Variants in KLHL5 observed in about 807,000 individuals in gnomAD.
KLHL5 encodes kelch like family member 5.
In KLHL5, 48 loss-of-function variants were observed where a neutral mutation model predicts 77.7. That is an observed-to-expected ratio of 0.62 (90% CI 0.49 to 0.79). The LOEUF is 0.79. KLHL5 is among the 30% of genes least tolerant of loss of function. KLHL5 has a pLI of 0.00. For missense variants in KLHL5, 723 were observed against 859.7 expected (o/e 0.84, Z 1.99); for synonymous variants, 260 against 297.0 (o/e 0.88, Z 1.28).
upstream of KLHL5, among the ~76,000 whole-genome samples, chr4:39,058,095 T>C (rs1717123886): frequency 6.6e-6 from 1 of 152,194 alleles, no homozygotes; most frequent in South Asian, 2.1e-4. Flanking sequence ...TTGACACATA[T>C]TATCTATTTT....
chr4:39,128,917 G>A (rs1314784475), downstream of KLHL5, among the ~76,000 whole-genome samples: 1 of 152,068 alleles, frequency 6.6e-6, no homozygotes, highest in African/African-American at 2.4e-5. Context: ...AGTGAGCTAC[G>A]ATCAGCCTGG....
At chr4:39,104,412 A>G (rs914458413) in intron 7 of KLHL5, among the ~76,000 whole-genome samples, 1 of 152,222 alleles carries the variant, frequency 6.6e-6, no homozygotes, top group African/African-American at 2.4e-5. Flanking sequence ...TGGGTTGACC[A>G]TAAAATCCAG....
At chr4:39,079,015 T>C (rs1719360006) in intron 2 of KLHL5, among the ~76,000 whole-genome samples, 1 of 152,356 alleles carries the variant, frequency 6.6e-6, no homozygotes, top group Non-Finnish European at 1.5e-5. Flanking sequence ...GATACTACTA[T>C]GTACTGTGAC....
chr4:39,121,135 T>A lies in KLHL5; in HGVS notation c.*69T>A, dbSNP rs1723186063. On this transcript the variant is annotated 3_prime_UTR_variant, in exon 11 of 11. Transcript: ENST00000504108. ...TAATTTAGTATAATTATTCTATCAA[T>A]GGATACATTTTTAGTAAATGTGCAT... 8.5e-7 allele frequency: 1 copy of A among 1,175,356 alleles called. No individual in the cohort carries two copies. 72.8% of individuals were successfully genotyped at this position (1,175,356 alleles called of 1,614,324 possible). A position where few individuals can be genotyped will look rare whatever the true frequency, so the allele number is the denominator to read the frequency against.
intron 5 of KLHL5, among the ~76,000 whole-genome samples, chr4:39,095,517 A>G (rs1413472423): frequency 6.6e-6 from 1 of 152,058 alleles, no homozygotes; most frequent in Non-Finnish European, 1.5e-5. Flanking sequence ...TTACAAATCT[A>G]TCCTATAAAG....
chr4:39,139,107 C>A, the KLHL5 span, among the ~76,000 whole-genome samples: 1 of 151,996 alleles, frequency 6.6e-6, no homozygotes, highest in East Asian at 1.9e-4. Flanking sequence ...CATGGTGAAA[C>A]CCCCTCTCTA....
At chr4:39,046,666 G>A (rs564266185) in intron 1 of KLHL5, among the ~76,000 whole-genome samples, 1 of 152,256 alleles carries the variant, frequency 6.6e-6, no homozygotes, top group Admixed American at 6.5e-5. Flanking sequence ...TAACCAAGGC[G>A]TTTTCCAGTA....
intron 7 of KLHL5, among the ~76,000 whole-genome samples, chr4:39,105,287 T>C (rs1283641627): frequency 1.3e-5 from 2 of 151,816 alleles, no homozygotes; most frequent in African/African-American, 4.8e-5. Flanking sequence ...GCTAGGACTA[T>C]AGGCATGCAC....
At chr4:39,137,450 G>C in the KLHL5 span, among the ~76,000 whole-genome samples, 1 of 151,850 alleles carries the variant, frequency 6.6e-6, no homozygotes, top group African/African-American at 2.4e-5. Flanking sequence ...GTGAGTCCCT[G>C]TCTCTACAAA....
intron 1 of KLHL5, among the ~76,000 whole-genome samples, chr4:39,049,132 C>A (rs1217232518): frequency 6.6e-6 from 1 of 152,096 alleles, no homozygotes; most frequent in Non-Finnish European, 1.5e-5. Context: ...GCTTCAGAGT[C>A]CCATGAGCTA....
intron 8 of KLHL5, among the ~76,000 whole-genome samples, chr4:39,110,085 C>T (rs1213810992): frequency 1.3e-5 from 2 of 152,142 alleles, no homozygotes; most frequent in Non-Finnish European, 2.9e-5. Context: ...ATCTCTCTTT[C>T]AAATGAAATC....
chr4:39,085,979 T>C (rs146674795), intron 4 of KLHL5, among the ~76,000 whole-genome samples: 232 of 152,266 alleles, frequency 1.5e-3, no homozygotes, highest in African/African-American at 5.4e-3. Flanking sequence ...TAAGAACAAA[T>C]ACTCATTCCA....
chr4:39,063,646 T>A (rs1717627977), intron 1 of KLHL5: 1 of 420,156 alleles, frequency 2.4e-6, no homozygotes, highest in African/African-American at 2.0e-5. Context: ...TTACCTTCAC[T>A]TTCACTGAAA....
At chr4:39,132,496 C>T in the KLHL5 span, among the ~76,000 whole-genome samples, 1 of 151,990 alleles carries the variant, frequency 6.6e-6, no homozygotes, top group Non-Finnish European at 1.5e-5. Context: ...GTAGTCCCAG[C>T]TACTTAGGAG....
intron 6 of KLHL5, 146 bp downstream of exon 6, chr4:39,097,024 T>C: frequency 1.5e-6 from 1 of 662,744 alleles, no homozygotes; most frequent in South Asian, 2.0e-5. Flanking sequence ...TAACATCCTC[T>C]AGGCCAGAAA....
the KLHL5 span, among the ~76,000 whole-genome samples, chr4:39,134,910 G>C: frequency 2.2e-4 from 34 of 152,182 alleles, no homozygotes; most frequent in Admixed American, 1.4e-3. Flanking sequence ...GAAGTTTCAT[G>C]TCATTGAAGG....
intron 5 of KLHL5, chr4:39,093,272 G>A (rs1720754863): frequency 2.3e-6 from 1 of 427,944 alleles, no homozygotes; most frequent in Admixed American, 2.6e-5. Context: ...CATATTGTAT[G>A]ATTCTCTGTA....
In KLHL5 at chr4:39,124,871, G is replaced by A. The variant is rs1723440092; in HGVS notation, c.*3805G>A. Among the ~76,000 whole-genome samples the A allele has an allele frequency of 7.1e-6, 1 of 141,596 alleles. No individual in the cohort carries two copies. Among genetic ancestry groups the A allele is most frequent in the South Asian group, 2.3e-4 (1 of 4,414 alleles). The allele number at this position is 141,596 out of a possible 152,430, so 92.9% of individuals were successfully genotyped here. A position where few individuals can be genotyped will look rare whatever the true frequency, so the allele number is the denominator to read the frequency against. On this transcript the variant is annotated 3_prime_UTR_variant, in exon 11 of 11. Coordinates refer to ENST00000504108, the MANE Select transcript of KLHL5 (RefSeq NM_015990.5). Reference sequence around the variant, plus strand: ...CATATCAAGGGACACTATGAAGAAAGTGAAAAGACAACCCACAGAATGGGA... The same window carrying A: ...CATATCAAGGGACACTATGAAGAAAATGAAAAGACAACCCACAGAATGGGA...
chr4:39,096,107 A>T (rs1357529867), intron 5 of KLHL5, among the ~76,000 whole-genome samples: 1 of 152,060 alleles, frequency 6.6e-6, no homozygotes, highest in Non-Finnish European at 1.5e-5. Flanking sequence ...GACAAGGTGT[A>T]ATCATATTTG....
Sources: allele counts gnomAD v4.1 joint callset (sites outside exome capture counted in the v4.1 genomes callset), GRCh38; gene constraint gnomAD v4.1.1; transcripts MANE v1.5; gene names NCBI Gene and HGNC (gene_info 2026-07-23, HGNC 2026-07-21).